ADAM22: variants seen among roughly 807,000 people sequenced by gnomAD.
ADAM22 encodes ADAM metallopeptidase domain 22, also known as disintegrin and metalloproteinase domain-containing protein 22.
A neutral mutation model predicts 144.6 loss-of-function variants in ADAM22; 65 were observed. That is an observed-to-expected ratio of 0.45 (90% confidence interval 0.37 to 0.55). The LOEUF is 0.55. ADAM22 is among the 20% of genes least tolerant of loss of function. ADAM22 has a pLI of 0.00. For missense variants in ADAM22, 974 were observed against 1,184.9 expected, an observed-to-expected ratio of 0.82 and a Z score of 2.61; for synonymous variants, 391 against 412.6, an observed-to-expected ratio of 0.95 and a Z score of 0.63.
chr7:88,172,237 A>T (rs577495254), intron 26 of ADAM22, among the ~76,000 whole-genome samples: 3 of 151,958 alleles, frequency 2.0e-5, no homozygotes, highest in African/African-American at 7.2e-5. Flanking sequence ...CAAAATGTTC[A>T]TGTTGTTCTA....
At position 88,108,052 on chromosome 7, in the gene ADAM22, A is replaced by G. The variant is rs1011902993; in HGVS notation, c.391-124A>G. ...GAAAAGATTTGATAATGCTAATCTG[A>G]ATAATGAAATATCATGCAGAGTTCT... is the stretch of plus-strand genomic sequence containing the variant. On this transcript the variant is annotated intron_variant, in intron 4 of 31. Transcript: ENST00000413139. The G allele has an allele frequency of 7.5e-6, 5 of 669,344 alleles. No homozygotes were observed. The African/African-American group carries it at 9.1e-5, about 12-fold the overall frequency. The allele number at this position is 669,344 out of a possible 1,614,324, so 41.5% of individuals were successfully genotyped here.
In ADAM22 at chr7:87,987,738, T is replaced by C. The variant is rs34857707; in HGVS notation, c.323+9326T>C. Among the ~76,000 whole-genome samples the C allele has an allele frequency of 7.0e-3, 1,064 of 152,350 alleles. 6 individuals carry two copies. Among genetic ancestry groups the C allele is most frequent in the Middle Eastern group, 0.014 (4 of 294 alleles). Reference sequence around the variant, plus strand: ...CTATGTTTTAGAGTGAGGTATAAGGTGCGTGCTTACTCCTGGTGATACCAT... The same window carrying C: ...CTATGTTTTAGAGTGAGGTATAAGGCGCGTGCTTACTCCTGGTGATACCAT... On this transcript the variant is annotated intron_variant, in intron 3 of 31. Coordinates refer to ENST00000413139, the MANE Select transcript of ADAM22 (RefSeq NM_001324418.2).
intron 2 of ADAM22, among the ~76,000 whole-genome samples, chr7:87,964,397 G>A (rs184913683): frequency 5.9e-5 from 9 of 152,192 alleles, no homozygotes; most frequent in Admixed American, 1.3e-4. Context: ...TTTTAAAAAG[G>A]CATTTCACTT....
chr7:88,031,772 G>A (rs1176445896), intron 3 of ADAM22, among the ~76,000 whole-genome samples: 3 of 152,194 alleles, frequency 2.0e-5, no homozygotes, highest in Admixed American at 2.0e-4. Flanking sequence ...ATGATTTTAT[G>A]GGCCAGGCCC....
intron 3 of ADAM22, among the ~76,000 whole-genome samples, chr7:87,998,202 C>A (rs185235872): frequency 6.6e-6 from 1 of 152,168 alleles, no homozygotes; most frequent in East Asian, 1.9e-4. Flanking sequence ...TGGTGCCCAC[C>A]CAGATTGAGG....
chr7:88,167,130 C>T (rs1468513464), intron 24 of ADAM22, among the ~76,000 whole-genome samples: 1 of 152,106 alleles, frequency 6.6e-6, no homozygotes, highest in East Asian at 1.9e-4. Flanking sequence ...TCTCAAGTAG[C>T]CCATGACTCC....
At chr7:88,020,644 A>G (rs1245888995) in intron 3 of ADAM22, among the ~76,000 whole-genome samples, 1 of 151,996 alleles carries the variant, frequency 6.6e-6, no homozygotes, top group African/African-American at 2.4e-5. Flanking sequence ...TAAACCTTTG[A>G]CCTCTTCCAC....
At chr7:88,075,289 A>G (rs1814027363) in intron 3 of ADAM22, among the ~76,000 whole-genome samples, 1 of 152,192 alleles carries the variant, frequency 6.6e-6, no homozygotes, top group Non-Finnish European at 1.5e-5. Context: ...CTGTTTGATA[A>G]AAAGTTAAAG....
At chr7:88,027,910 C>T (rs1799389760) in intron 3 of ADAM22, among the ~76,000 whole-genome samples, 1 of 151,978 alleles carries the variant, frequency 6.6e-6, no homozygotes, top group South Asian at 2.1e-4. Context: ...CCTGCCTTGG[C>T]CTTCTGAGTA....
At chr7:88,193,890 T>A (rs1850136986) in intron 31 of ADAM22, among the ~76,000 whole-genome samples, 1 of 152,254 alleles carries the variant, frequency 6.6e-6, no homozygotes, top group Non-Finnish European at 1.5e-5. Context: ...CAAATTTTAA[T>A]TTTAACTCAG....
At chr7:88,149,099 TGG>T (rs1490145256) in intron 18 of ADAM22, 42 bp downstream of exon 18, 8 of 1,474,502 alleles carry the variant, frequency 5.4e-6, no homozygotes, top group Non-Finnish European at 7.6e-6. Flanking sequence ...TGGGAAAAAG[TGG>T]GGGTATCTTT....
At chr7:87,971,962 G>A (rs1019345882) in intron 2 of ADAM22, among the ~76,000 whole-genome samples, 4 of 152,202 alleles carry the variant, frequency 2.6e-5, no homozygotes, top group South Asian at 2.1e-4. Flanking sequence ...AGGCCAAGGC[G>A]GGTGGATCAC....
chr7:88,043,400 G>T (rs1393145416), intron 3 of ADAM22, among the ~76,000 whole-genome samples: 1 of 151,496 alleles, frequency 6.6e-6, no homozygotes, highest in Non-Finnish European at 1.5e-5. Flanking sequence ...CAGGAGAATG[G>T]TGTAAACCTG....
intron 3 of ADAM22, among the ~76,000 whole-genome samples, chr7:88,064,699 A>C (rs1398854826): frequency 3.3e-5 from 5 of 152,122 alleles, no homozygotes; most frequent in Non-Finnish European, 7.4e-5. Flanking sequence ...AACTTTCTAA[A>C]GATTTTATAA....
At chr7:88,115,221 C>A (rs1354785254) in intron 6 of ADAM22, among the ~76,000 whole-genome samples, 6 of 152,118 alleles carry the variant, frequency 3.9e-5, no homozygotes, top group Non-Finnish European at 8.8e-5. Flanking sequence ...GTCTCCAAAA[C>A]AAACAAACAA....
intron 26 of ADAM22, among the ~76,000 whole-genome samples, chr7:88,176,721 G>C (rs1381335665): frequency 6.6e-6 from 1 of 152,096 alleles, no homozygotes; most frequent in East Asian, 1.9e-4. Flanking sequence ...GTGTAGTTCA[G>C]TGCTCTTGTA....
chr7:88,052,383 C>T (rs1806714320), intron 3 of ADAM22, among the ~76,000 whole-genome samples: 1 of 151,168 alleles, frequency 6.6e-6, no homozygotes, highest in Non-Finnish European at 1.5e-5. Context: ...GTGGCGGGCA[C>T]CTGTAGTCCC....
intron 9 of ADAM22, 103 bp from the exon 10 acceptor site, chr7:88,130,285 T>G (rs1831436796): frequency 1.1e-6 from 1 of 873,784 alleles, no homozygotes; most frequent in African/African-American, 1.7e-5. Flanking sequence ...TTTTTTTTTT[T>G]TTACATTTTT....
At position 88,019,857 on chromosome 7, in the gene ADAM22, ATGTGTGTGTGTGTGTGTGTG is replaced by A. The variant is rs35909431; in HGVS notation, c.323+41473_323+41492del. On this transcript the variant is annotated intron_variant, in intron 3 of 31. Coordinates refer to ENST00000413139, the MANE Select transcript of ADAM22 (RefSeq NM_001324418.2). ...AGAGCGTGACTCTATCTCAAAAAAT[ATGTGTGTGTGTGTGTGTGTG>A]TGTGTGTGTGTGTGTGTGTGTGTGT... Among the ~76,000 whole-genome samples the A allele has an allele frequency of 5.3e-3, 738 of 139,050 alleles. 11 individuals are homozygous for A. Among genetic ancestry groups the A allele is most frequent in the East Asian group, 0.042 (199 of 4,706 alleles). The allele number at this position is 139,050 out of a possible 152,430, so 91.2% of individuals were successfully genotyped here.
Sources: allele counts gnomAD v4.1 joint callset (sites outside exome capture counted in the v4.1 genomes callset), GRCh38; gene constraint gnomAD v4.1.1; transcripts MANE v1.5; gene names NCBI Gene and HGNC (gene_info 2026-07-23, HGNC 2026-07-21).